Variants in SAMD3 observed in about 807,000 individuals in gnomAD.
The protein encoded by SAMD3 is sterile alpha motif domain-containing protein 3.
In SAMD3, 63 loss-of-function variants were observed where a neutral mutation model predicts 58.5. The observed-to-expected ratio is 1.08, with a 90% CI of 0.88 to 1.33. SAMD3 has a LOEUF of 1.33. Among genes scored for constraint, SAMD3 ranks in the 40% most tolerant of loss-of-function variants. SAMD3 has a pLI of 0.00. For synonymous variants in SAMD3, 220 were observed against 210.3 expected, an observed-to-expected ratio of 1.05 and a Z score of -0.40; for missense variants, 604 against 608.4, an observed-to-expected ratio of 0.99 and a Z score of 0.08.
chr6:130,290,256 C>T (rs1342025757), intron 2 of SAMD3, among the ~76,000 whole-genome samples: 3 of 152,066 alleles, frequency 2.0e-5, no homozygotes, highest in African/African-American at 7.2e-5. Flanking sequence ...AACAGGAGAG[C>T]AGGTTGAAAA....
intron 5 of SAMD3, among the ~76,000 whole-genome samples, chr6:130,197,020 C>A (rs1460657258): frequency 6.6e-6 from 1 of 152,212 alleles, no homozygotes; most frequent in Non-Finnish European, 1.5e-5. Context: ...GGTCCTCCAT[C>A]TTCAGGAAAA....
intron 8 of SAMD3, chr6:130,160,472 A>G (rs1790188524): frequency 6.6e-6 from 1 of 152,218 alleles, no homozygotes; most frequent in Admixed American, 6.5e-5. Flanking sequence ...AAATTCGTGG[A>G]AGATGAGGAA....
chr6:130,333,929 T>G (rs1206228179), intron 1 of SAMD3, among the ~76,000 whole-genome samples: 1 of 152,130 alleles, frequency 6.6e-6, no homozygotes, highest in African/African-American at 2.4e-5. Context: ...ATAGCCAGAC[T>G]CCTCAGTGGG....
intron 2 of SAMD3, among the ~76,000 whole-genome samples, chr6:130,229,835 A>G (rs181077481): frequency 6.6e-6 from 1 of 152,296 alleles, no homozygotes; most frequent in East Asian, 1.9e-4. Context: ...GGGAGGAGCT[A>G]GGAGGGGAAG....
chr6:130,298,323 A>G (rs568821367), intron 2 of SAMD3, among the ~76,000 whole-genome samples: 153 of 152,298 alleles, frequency 1.0e-3, no homozygotes, highest in African/African-American at 3.5e-3. Context: ...ATTCCCAGAG[A>G]AGCAAATGCT....
intron 2 of SAMD3, among the ~76,000 whole-genome samples, chr6:130,308,272 T>G (rs951518398): frequency 2.6e-5 from 4 of 152,062 alleles, no homozygotes; most frequent in African/African-American, 9.7e-5. Context: ...CTTGGAAGGT[T>G]TTTAGATGCC....
chr6:130,258,824 C>G (rs1006836718), intron 2 of SAMD3, among the ~76,000 whole-genome samples: 100 of 151,858 alleles, frequency 6.6e-4, no homozygotes, highest in Non-Finnish European at 1.3e-3. Flanking sequence ...TTGATGTTAC[C>G]TTTTGATTAT....
chr6:130,231,629 T>C (rs1796553012), intron 2 of SAMD3, among the ~76,000 whole-genome samples: 7 of 152,210 alleles, frequency 4.6e-5, no homozygotes, highest in Admixed American at 4.6e-4. Flanking sequence ...GAAGTATAAA[T>C]TAATTAGACA....
chr6:130,239,818 C>T (rs940585566), intron 2 of SAMD3, among the ~76,000 whole-genome samples: 2 of 152,134 alleles, frequency 1.3e-5, no homozygotes, highest in African/African-American at 4.8e-5. Context: ...AAATTTGGTT[C>T]CTGGACCTAA....
Position 130,221,053 on chromosome 6 carries a change from A to G in SAMD3, c.-68+1641T>C, listed in dbSNP as rs1245768664. On this transcript the variant is annotated intron_variant, in intron 1 of 11. Transcript: ENST00000439090. ...GTGTTTTTAGTAGAGACGGGGTTTCACTGTGTTAGCCAGGATGGTCTCGAT... is the reference window on the plus strand; with the variant it reads ...GTGTTTTTAGTAGAGACGGGGTTTCGCTGTGTTAGCCAGGATGGTCTCGAT... Among the ~76,000 whole-genome samples the G allele has an allele frequency of 4.6e-5, 7 of 152,048 alleles. No individual in the cohort carries two copies. The South Asian group carries it at 1.2e-3, about 27-fold the overall frequency.
intron 1 of SAMD3, among the ~76,000 whole-genome samples, chr6:130,355,388 C>A (rs1428065699): frequency 1.3e-5 from 2 of 152,136 alleles, no homozygotes; most frequent in African/African-American, 2.4e-5. Context: ...TGCACCACTG[C>A]ACTCCAGCCT....
chr6:130,183,374 GC>G (rs1792585751), intron 7 of SAMD3: 2 of 451,784 alleles, frequency 4.4e-6, no homozygotes, highest in Admixed American at 4.8e-5. Context: ...AAGAACTGCT[GC>G]CCCAGAGCAT....
At chr6:130,210,974 G>T (rs1375168021) in intron 4 of SAMD3, among the ~76,000 whole-genome samples, 1 of 151,842 alleles carries the variant, frequency 6.6e-6, no homozygotes, top group East Asian at 2.0e-4. Flanking sequence ...CAAAAAATTA[G>T]CTGGGCATGG....
At chr6:130,268,471 A>C (rs953857678) in intron 2 of SAMD3, among the ~76,000 whole-genome samples, 6 of 152,178 alleles carry the variant, frequency 3.9e-5, no homozygotes, top group African/African-American at 1.4e-4. Context: ...GTAGTGTACA[A>C]TAATGCCCTA....
At chr6:130,321,887 G>T (rs1421118204) in intron 1 of SAMD3, among the ~76,000 whole-genome samples, 1 of 152,088 alleles carries the variant, frequency 6.6e-6, no homozygotes, top group African/African-American at 2.4e-5. Context: ...TCAACTCAAG[G>T]ACAGAGGCCA....
At chr6:130,215,349 AT>A (rs34071457) in intron 2 of SAMD3, 55 bp from the exon 3 acceptor site, 813,585 of 1,183,604 alleles carry the variant, frequency 0.69, 280,695 homozygotes, top group African/African-American at 0.84. Context: ...TTGTGCCTTA[AT>A]TTTTTTTTTA....
intron 2 of SAMD3, among the ~76,000 whole-genome samples, chr6:130,247,341 C>T (rs1337666208): frequency 1.3e-5 from 2 of 151,996 alleles, no homozygotes; most frequent in East Asian, 3.9e-4. Flanking sequence ...ATGGTGCACA[C>T]CTGTAAACCC....
chr6:130,143,491 AT>A (rs1306261190), downstream of SAMD3, among the ~76,000 whole-genome samples: 2 of 152,134 alleles, frequency 1.3e-5, no homozygotes, highest in African/African-American at 4.8e-5. Context: ...TGATCTGCCC[AT>A]CTTGGCCTCC....
intron 2 of SAMD3, among the ~76,000 whole-genome samples, chr6:130,252,753 C>T (rs1048540145): frequency 2.6e-5 from 4 of 152,282 alleles, no homozygotes; most frequent in South Asian, 4.2e-4. Flanking sequence ...CACTGGTAGG[C>T]TTAGCTTCAA....
Sources: gnomAD v4.1 joint callset for allele counts (sites outside exome capture counted in the v4.1 genomes callset) on GRCh38, gnomAD v4.1.1 for gene constraint, MANE v1.5 for transcripts, NCBI Gene and HGNC (gene_info 2026-07-23, HGNC 2026-07-21) for gene names.